MARCHF1: variants seen among roughly 807,000 people sequenced by gnomAD.
MARCHF1 encodes E3 ubiquitin-protein ligase MARCHF1.
Under a neutral mutation model 54.2 loss-of-function variants are expected in MARCHF1, and 40 were observed. The observed-to-expected ratio is 0.74, with a 90% CI of 0.57 to 0.96. The LOEUF is 0.96. Ranked by LOEUF, MARCHF1 falls within the 40% of genes least tolerant of loss-of-function variation. The pLI, the probability that MARCHF1 is intolerant of heterozygous loss-of-function variation, is 0.00. For missense variants in MARCHF1, 586 were observed against 656.5 expected (o/e 0.89, Z 1.17); for synonymous variants, 236 against 236.3 (o/e 1.00, Z 0.01).
intron 4 of MARCHF1, among the ~76,000 whole-genome samples, chr4:163,781,647 G>A (rs1177514598): frequency 1.3e-5 from 2 of 152,148 alleles, no homozygotes; most frequent in East Asian, 3.8e-4. Context: ...CAGTAGAGAA[G>A]GTAAATATTA....
At chr4:163,822,024 A>G (rs977816435) in intron 4 of MARCHF1, among the ~76,000 whole-genome samples, 1 of 151,852 alleles carries the variant, frequency 6.6e-6, no homozygotes, top group African/African-American at 2.4e-5. Context: ...TAATAAAAGC[A>G]TAACTTTGCA....
Position 163,612,926 on chromosome 4 carries a change from T to A in MARCHF1, c.355A>T (p.Arg119Trp), listed in dbSNP as rs1174878578. Residue 119 changes from arginine (R) to tryptophan (W), a missense_variant, in exon 7 of 10, where the codon AGG (arginine) becomes TGG (tryptophan). Arg to Trp is a moderately radical substitution (Grantham distance 101, BLOSUM62 -3). Coordinates refer to ENST00000514618, the MANE Select transcript of MARCHF1 (RefSeq NM_001394959.1). Reference protein sequence around the residue: ...SGKKSVIQRPRRRRKASERYE... With the variant: ...SGKKSVIQRPWRRRKASERYE... ...CTCTCAGAGGCTTTTCTCCTCCTCCTAGGTCTTTGTATTACTGATTTCTTA... is the reference window on the plus strand; with the variant it reads ...CTCTCAGAGGCTTTTCTCCTCCTCCAAGGTCTTTGTATTACTGATTTCTTA... 1 of 1,535,442 alleles carries A rather than the reference T, an allele frequency of 6.5e-7. No individual in the cohort carries two copies. Among genetic ancestry groups the A allele is most frequent in the East Asian group, 2.4e-5 (1 of 40,892 alleles).
intron 4 of MARCHF1, among the ~76,000 whole-genome samples, chr4:163,820,024 C>T (rs921924758): frequency 3.9e-5 from 6 of 151,948 alleles, no homozygotes; most frequent in African/African-American, 1.2e-4. Context: ...TAAAAAATAC[C>T]GATCCTGTGT....
intron 1 of MARCHF1, among the ~76,000 whole-genome samples, chr4:164,133,792 C>T (rs1471073196): frequency 6.6e-6 from 1 of 152,178 alleles, no homozygotes; most frequent in Non-Finnish European, 1.5e-5. Context: ...CTGCTAACTG[C>T]TAGTGGTCCC....
At chr4:164,243,302 GA>G (rs1483999624) in intron 1 of MARCHF1, among the ~76,000 whole-genome samples, 1 of 141,256 alleles carries the variant, frequency 7.1e-6, no homozygotes, top group African/African-American at 2.7e-5. Flanking sequence ...CTACAAGCCA[GA>G]AGAGAGTGGG....
intron 4 of MARCHF1, among the ~76,000 whole-genome samples, chr4:163,705,775 G>T (rs1259157987): frequency 6.6e-6 from 1 of 151,962 alleles, no homozygotes; most frequent in Admixed American, 6.6e-5. Context: ...TCTATTAGGG[G>T]TGCTTGCTAT....
chr4:163,529,857 AAT>A (rs1738286350), intron 9 of MARCHF1: 2 of 152,062 alleles, frequency 1.3e-5, no homozygotes, highest in South Asian at 2.1e-4. Flanking sequence ...AAGAGTGTTA[AAT>A]ATATGAGGGT....
chr4:164,077,043 T>C (rs991237939), intron 2 of MARCHF1, among the ~76,000 whole-genome samples: 1 of 152,096 alleles, frequency 6.6e-6, no homozygotes, highest in African/African-American at 2.4e-5. Context: ...AAATTTCATA[T>C]GGAACCAAAA....
At chr4:163,903,880 T>C (rs1159275983) in intron 3 of MARCHF1, among the ~76,000 whole-genome samples, 1 of 152,154 alleles carries the variant, frequency 6.6e-6, no homozygotes, top group Non-Finnish European at 1.5e-5. Context: ...CCTCCCAAAG[T>C]TCTAGTATTA....
intron 2 of MARCHF1, among the ~76,000 whole-genome samples, chr4:164,077,467 T>C (rs890370096): frequency 1.3e-5 from 2 of 152,164 alleles, no homozygotes; most frequent in Non-Finnish European, 2.9e-5. Flanking sequence ...GACATAGGCA[T>C]GGGCAAAGAC....
chr4:163,592,399 C>G (rs921187258), intron 7 of MARCHF1, among the ~76,000 whole-genome samples: 1 of 152,150 alleles, frequency 6.6e-6, no homozygotes, highest in Non-Finnish European at 1.5e-5. Flanking sequence ...AAACCTCAGA[C>G]CATCTGCACA....
At chr4:164,245,393 T>C (rs1405896865) in intron 1 of MARCHF1, among the ~76,000 whole-genome samples, 1 of 152,348 alleles carries the variant, frequency 6.6e-6, no homozygotes, top group South Asian at 2.1e-4. Context: ...CTGACAAAAT[T>C]CAACGATGCT....
chr4:164,017,728 T>C (rs1753574321), intron 2 of MARCHF1, among the ~76,000 whole-genome samples: 1 of 151,546 alleles, frequency 6.6e-6, no homozygotes, highest in Non-Finnish European at 1.5e-5. Context: ...TCTTCCTAAA[T>C]ATATTTATAG....
chr4:164,303,742 C>T (rs573014750), intron 1 of MARCHF1, among the ~76,000 whole-genome samples: 1 of 16,910 alleles, frequency 5.9e-5, no homozygotes, highest in African/African-American at 7.2e-4. Context: ...CCCAATCACC[C>T]ATCGCCTCCC....
intron 2 of MARCHF1, among the ~76,000 whole-genome samples, chr4:164,012,175 T>C (rs1303137641): frequency 6.6e-6 from 1 of 152,158 alleles, no homozygotes. Flanking sequence ...GCAAGTCCTG[T>C]TGCTGCACTG....
chr4:163,643,629 A>G (rs1742644408), intron 5 of MARCHF1, among the ~76,000 whole-genome samples: 1 of 152,252 alleles, frequency 6.6e-6, no homozygotes, highest in South Asian at 2.1e-4. Context: ...TTGTATAAGT[A>G]AATGATTCCC....
At chr4:163,550,442 G>GA (rs1739071161) in intron 8 of MARCHF1, among the ~76,000 whole-genome samples, 1 of 151,400 alleles carries the variant, frequency 6.6e-6, no homozygotes, top group Admixed American at 6.6e-5. Flanking sequence ...TCAATCTATA[G>GA]AATGATAGAC....
At chr4:163,826,930 G>A (rs1367421094) in intron 4 of MARCHF1, among the ~76,000 whole-genome samples, 2 of 151,892 alleles carry the variant, frequency 1.3e-5, no homozygotes, top group Admixed American at 1.3e-4. Flanking sequence ...ACAATACTGA[G>A]GTATTTTCCA....
chr4:164,249,295 G>T (rs1733054152), intron 1 of MARCHF1, among the ~76,000 whole-genome samples: 1 of 152,052 alleles, frequency 6.6e-6, no homozygotes. Flanking sequence ...GTCACTAGAA[G>T]AAAGGAAGGC....
Sources: gnomAD v4.1 joint callset for allele counts (sites outside exome capture counted in the v4.1 genomes callset) on GRCh38, gnomAD v4.1.1 for gene constraint, MANE v1.5 for transcripts, NCBI Gene and HGNC (gene_info 2026-07-23, HGNC 2026-07-21) for gene names.